The following PCDHGA4 variants were observed in gnomAD, a reference collection of about 807,000 sequenced individuals.
The protein encoded by PCDHGA4 is protocadherin gamma-A4.
Under a neutral mutation model 54.6 loss-of-function variants are expected in PCDHGA4, and 38 were observed. The ratio of observed to expected loss-of-function variants is 0.70; its 90% confidence interval spans 0.54 to 0.91. The LOEUF (loss-of-function observed/expected upper bound fraction) is 0.91. PCDHGA4 is among the 40% of genes least tolerant of loss of function. The probability of loss-of-function intolerance (pLI) is 0.00; values close to 1 mark genes in which losing one functional copy is unlikely to be tolerated. For missense variants in PCDHGA4, 1,298 were observed against 1,220.9 expected, an observed-to-expected ratio of 1.06 and a Z score of -0.94; for synonymous variants, 511 against 512.9, an observed-to-expected ratio of 1.00 and a Z score of 0.05.
At chr5:141,492,161 TC>T (rs1269738341) in intron 1 of PCDHGA4, among the ~76,000 whole-genome samples, 2 of 152,142 alleles carry the variant, frequency 1.3e-5, no homozygotes, top group Admixed American at 6.5e-5. Context: ...ACCCTCCCTA[TC>T]CCCGCATCAC....
At chr5:141,405,246 A>G (rs1163477660) in intron 1 of PCDHGA4, 10 of 1,614,126 alleles carry the variant, frequency 6.2e-6, no homozygotes, top group Non-Finnish European at 8.5e-6. Flanking sequence ...GACTCAAGGA[A>G]GAGTCACCTG....
chr5:141,370,854 C>G, intron 1 of PCDHGA4: 1 of 1,614,054 alleles, frequency 6.2e-7, no homozygotes, highest in Non-Finnish European at 8.5e-7. Context: ...CACATTTGCC[C>G]TGGAATCTGC....
At chr5:141,409,243 AATC>A in intron 1 of PCDHGA4, 1 of 1,614,032 alleles carries the variant, frequency 6.2e-7, no homozygotes, top group South Asian at 1.1e-5. Context: ...GCCCAGAAAT[AATC>A]ATCACTTCTC....
At chr5:141,502,056 C>A (rs1163976282) in intron 2 of PCDHGA4, among the ~76,000 whole-genome samples, 1 of 152,116 alleles carries the variant, frequency 6.6e-6, no homozygotes, top group Non-Finnish European at 1.5e-5. Context: ...CTACTTTATT[C>A]CCATTAGCCC....
chr5:141,387,784 T>C (rs2091093181), intron 1 of PCDHGA4: 11 of 1,472,396 alleles, frequency 7.5e-6, no homozygotes, highest in African/African-American at 4.2e-5. Flanking sequence ...GAACTGGAAC[T>C]GCAACTAAAG....
intron 1 of PCDHGA4, among the ~76,000 whole-genome samples, chr5:141,453,692 C>G (rs1182118927): frequency 6.6e-6 from 1 of 152,146 alleles, no homozygotes; most frequent in African/African-American, 2.4e-5. Flanking sequence ...GTAGGTAGTC[C>G]TGGCTTTGAA....
Position 141,486,054 on chromosome 5 carries a change from G to T in PCDHGA4, c.2515-8753G>T. The T allele has an allele frequency of 1.2e-6, 2 of 1,614,124 alleles. No homozygotes were observed. Among genetic ancestry groups the T allele is most frequent in the South Asian group, 1.1e-5 (1 of 91,072 alleles). On this transcript the variant is annotated intron_variant, in intron 1 of 3. Transcript: ENST00000571252. The surrounding 1 kb of genome is among the most constrained non-coding windows in gnomAD (Gnocchi z 5.0). The stretch of plus-strand genomic sequence containing the variant: ...CCTGATCGTGTAAGAAACCTCTTTA[G>T]CCTGCACCCCACTACTGGAAAGCTT...
chr5:141,390,034 C>A, intron 1 of PCDHGA4: 2 of 1,614,066 alleles, frequency 1.2e-6, no homozygotes, highest in Non-Finnish European at 1.7e-6. Context: ...CGACGCTCCT[C>A]CAGCCCCGCC....
In PCDHGA4 at chr5:141,361,776, C is replaced by A. The variant is rs1291853084; in HGVS notation, c.2514+4155C>A. On this transcript the variant is annotated intron_variant, in intron 1 of 3. Transcript: ENST00000571252. ...CGCCCGCGCTCAGCGCCAACGTGAGCCTGCGCGTGTTAGTGGGCGACCTCA... is the reference window on the plus strand; with the variant it reads ...CGCCCGCGCTCAGCGCCAACGTGAGACTGCGCGTGTTAGTGGGCGACCTCA... 1.9e-6 allele frequency: 3 copies of A among 1,613,110 alleles called. No homozygotes were observed. In the East Asian group the frequency reaches 6.7e-5, roughly 36 times the overall value.
At chr5:141,370,230 C>CG (rs1766760577) in intron 1 of PCDHGA4, 1 of 588,024 alleles carries the variant, frequency 1.7e-6, no homozygotes, top group East Asian at 2.9e-5. Flanking sequence ...GCAGCCAGCT[C>CG]GGAAGAAAAG....
intron 1 of PCDHGA4, chr5:141,484,976 G>T: frequency 1.7e-6 from 1 of 592,920 alleles, no homozygotes; most frequent in South Asian, 2.1e-5. Flanking sequence ...GCCGCTGTCT[G>T]CCAATCGGGT....
chr5:141,364,578 G>C, intron 1 of PCDHGA4: 1 of 1,614,212 alleles, frequency 6.2e-7, no homozygotes, highest in Non-Finnish European at 8.5e-7. Flanking sequence ...CGAAGCGGCA[G>C]CTTGGTCACC....
Position 141,493,477 on chromosome 5 carries a change from G to A in PCDHGA4, c.2515-1330G>A, listed in dbSNP as rs1657824440. On this transcript the variant is annotated intron_variant, in intron 1 of 3. Transcript: ENST00000571252. This position sits in a 1 kb window ranked among gnomAD's most constrained non-coding sequence, Gnocchi z 4.3. ...TTCCCTTTTAGGACCTTACATGTGG[G>A]GAAAGTCTTCTGTGGCTCCTCATTT... is the stretch of plus-strand genomic sequence containing the variant. Among the ~76,000 whole-genome samples, 3 of 152,124 alleles carry A rather than the reference G, an allele frequency of 2.0e-5. No individual in the cohort carries two copies. The highest frequency in any genetic ancestry group is 6.5e-5 in the Admixed American group (1 of 15,272).
chr5:141,371,993 G>C, intron 1 of PCDHGA4: 2 of 1,613,268 alleles, frequency 1.2e-6, no homozygotes, highest in Non-Finnish European at 1.7e-6. Context: ...TCACTCTGCA[G>C]GCCCGCGACC....
intron 1 of PCDHGA4, among the ~76,000 whole-genome samples, chr5:141,474,243 G>GA (rs1161758975): frequency 2.6e-5 from 4 of 152,050 alleles, no homozygotes; most frequent in Admixed American, 1.3e-4. Context: ...CTGAATAGGG[G>GA]AAAAAAAGAC....
chr5:141,394,405 T>C, intron 1 of PCDHGA4: 2 of 1,614,222 alleles, frequency 1.2e-6, no homozygotes, highest in Non-Finnish European at 1.7e-6. Context: ...CTGCAGCTAC[T>C]GGTAACAGCC....
intron 1 of PCDHGA4, among the ~76,000 whole-genome samples, chr5:141,407,024 A>G (rs909800590): frequency 6.6e-6 from 1 of 152,232 alleles, no homozygotes; most frequent in Non-Finnish European, 1.5e-5. Context: ...TCAAAATTCT[A>G]TGCTAAACAT....
Position 141,489,091 on chromosome 5 carries a change from T to A in PCDHGA4, c.2515-5716T>A. 1.9e-4 allele frequency: 63 copies of A among 332,802 alleles called. No individual in the cohort carries two copies. Among genetic ancestry groups the A allele is most frequent in the East Asian group, 2.9e-4 (6 of 20,542 alleles). The allele number at this position is 332,802 out of a possible 1,614,324, so 20.6% of individuals were successfully genotyped here. A position where few individuals can be genotyped will look rare whatever the true frequency, so the allele number is the denominator to read the frequency against. ...CTGCCCACCCCCGCCACTCGGTGAC[T>A]AAGAACTGCTGCAAGCAGGCAAACC... On this transcript the variant is annotated intron_variant, in intron 1 of 3. Transcript: ENST00000571252. This position sits in a 1 kb window ranked among gnomAD's most constrained non-coding sequence, Gnocchi z 4.5.
At chr5:141,427,411 A>C (rs1256606726) in intron 1 of PCDHGA4, 2 of 464,124 alleles carry the variant, frequency 4.3e-6, no homozygotes, top group Admixed American at 2.3e-5. Flanking sequence ...GATTCGAGAG[A>C]AAATGGGGAG....
Sources: gnomAD v4.1 joint callset for allele counts (sites outside exome capture counted in the v4.1 genomes callset) on GRCh38, gnomAD v4.1.1 for gene constraint, Gnocchi (gnomAD v3.1) non-coding constraint, MANE v1.5 for transcripts, NCBI Gene and HGNC (gene_info 2026-07-23, HGNC 2026-07-21) for gene names.